The following RBFOX1 variants were observed in gnomAD, a reference collection of about 807,000 sequenced individuals.
RBFOX1 encodes the protein RNA binding fox-1 homolog 1.
A neutral mutation model predicts 57.7 loss-of-function variants in RBFOX1; 8 were observed. The observed-to-expected ratio is 0.14, with a 90% CI of 0.08 to 0.25. The LOEUF is 0.25. Among genes scored for constraint, RBFOX1 ranks in the 10% least tolerant of loss-of-function variants. The pLI is 1.00. For missense variants in RBFOX1, 611 were observed against 548.5 expected (o/e 1.11, Z -1.14); for synonymous variants, 326 against 222.4 (o/e 1.47, Z -4.15).
intron 4 of RBFOX1, among the ~76,000 whole-genome samples, chr16:5,940,520 C>A (rs1272108302): frequency 6.6e-6 from 1 of 152,146 alleles, no homozygotes; most frequent in African/African-American, 2.4e-5. Flanking sequence ...ATATTAAGAT[C>A]CTCACAGGGA....
intron 6 of RBFOX1, among the ~76,000 whole-genome samples, chr16:7,585,689 A>G (rs189606889): frequency 6.6e-6 from 1 of 152,196 alleles, no homozygotes; most frequent in Non-Finnish European, 1.5e-5. Context: ...TCTGTATTCA[A>G]GTGGCATATA....
At chr16:7,289,529 T>G (rs1005090039) in intron 4 of RBFOX1, among the ~76,000 whole-genome samples, 3 of 152,088 alleles carry the variant, frequency 2.0e-5, no homozygotes, top group Admixed American at 1.3e-4. Context: ...ATCATCACCA[T>G]TATCACCATC....
intron 4 of RBFOX1, among the ~76,000 whole-genome samples, chr16:7,385,835 C>T (rs1448443515): frequency 6.6e-6 from 1 of 152,034 alleles, no homozygotes; most frequent in East Asian, 1.9e-4. Context: ...CTCACTGCAA[C>T]CTCCGCCTCC....
intron 2 of RBFOX1, among the ~76,000 whole-genome samples, chr16:6,597,153 AACC>A (rs372901711): frequency 1.3e-5 from 2 of 152,290 alleles, no homozygotes; most frequent in African/African-American, 4.8e-5. Flanking sequence ...TATAAAATGA[AACC>A]TAGCAAATTT....
intron 4 of RBFOX1, among the ~76,000 whole-genome samples, chr16:7,134,263 A>C (rs747641692): frequency 1.3e-5 from 2 of 152,128 alleles, no homozygotes; most frequent in Non-Finnish European, 2.9e-5. Flanking sequence ...ATTTGTTGTG[A>C]GGATGTTCTC....
At chr16:6,955,824 G>A (rs866252754) in intron 3 of RBFOX1, among the ~76,000 whole-genome samples, 1 of 152,030 alleles carries the variant, frequency 6.6e-6, no homozygotes, top group Non-Finnish European at 1.5e-5. Flanking sequence ...TCCTGCCTCA[G>A]CCTCCTGAGT....
At chr16:5,439,180 G>A (rs2068007627) in intron 1 of RBFOX1, among the ~76,000 whole-genome samples, 1 of 152,056 alleles carries the variant, frequency 6.6e-6, no homozygotes, top group Admixed American at 6.6e-5. Flanking sequence ...GTGCAGCTGG[G>A]CCCTGGTGAG....
At chr16:7,317,772 G>T (rs1406209615) in intron 4 of RBFOX1, among the ~76,000 whole-genome samples, 1 of 152,156 alleles carries the variant, frequency 6.6e-6, no homozygotes, top group Admixed American at 6.5e-5. Context: ...CCTCCAACTA[G>T]CTCTATGGGC....
chr16:6,158,793 G>T (rs1179011530), intron 1 of RBFOX1, among the ~76,000 whole-genome samples: 4 of 152,186 alleles, frequency 2.6e-5, no homozygotes, highest in African/African-American at 7.2e-5. Context: ...CTGGGAAACT[G>T]GGGAGAGGGC....
intron 2 of RBFOX1, among the ~76,000 whole-genome samples, chr16:6,406,535 A>G (rs1194771719): frequency 6.6e-6 from 1 of 151,934 alleles, no homozygotes; most frequent in Non-Finnish European, 1.5e-5. Flanking sequence ...TTTGGAGGCT[A>G]GCTTCTTTTC....
chr16:6,976,144 AAAC>A (rs2086791718), intron 3 of RBFOX1, among the ~76,000 whole-genome samples: 1 of 151,946 alleles, frequency 6.6e-6, no homozygotes, highest in South Asian at 2.1e-4. Flanking sequence ...AAAAAGAAAC[AAAC>A]AAAAAAACTA....
chr16:6,876,602 C>T (rs1185737291), intron 3 of RBFOX1, among the ~76,000 whole-genome samples: 1 of 152,002 alleles, frequency 6.6e-6, no homozygotes, highest in East Asian at 1.9e-4. Context: ...TATGATGCAC[C>T]ATACTAGAGT....
At chr16:5,327,145 G>C (rs979820823) in intron 1 of RBFOX1, among the ~76,000 whole-genome samples, 2 of 152,214 alleles carry the variant, frequency 1.3e-5, no homozygotes, top group African/African-American at 4.8e-5. Flanking sequence ...CAGTTTCTGA[G>C]TGATCATTGA....
chr16:6,342,763 A>G (rs571808947), intron 2 of RBFOX1, among the ~76,000 whole-genome samples: 1 of 152,318 alleles, frequency 6.6e-6, no homozygotes, highest in Non-Finnish European at 1.5e-5. Flanking sequence ...ATTTGGAGAT[A>G]GGAACCTTAT....
At chr16:6,416,507 T>C (rs1352626781) in intron 2 of RBFOX1, among the ~76,000 whole-genome samples, 1 of 152,084 alleles carries the variant, frequency 6.6e-6, no homozygotes, top group Non-Finnish European at 1.5e-5. Context: ...TTTTTCTTTT[T>C]TTACTGAAAG....
intron 3 of RBFOX1, among the ~76,000 whole-genome samples, chr16:5,863,623 A>G (rs1263810093): frequency 1.3e-5 from 2 of 152,104 alleles, no homozygotes; most frequent in African/African-American, 4.8e-5. Flanking sequence ...TGACTATGAA[A>G]TCCACTCTGA....
At chr16:5,652,969 A>G (rs1047532855) in intron 3 of RBFOX1, among the ~76,000 whole-genome samples, 3 of 152,178 alleles carry the variant, frequency 2.0e-5, no homozygotes, top group Non-Finnish European at 4.4e-5. Context: ...CACCCTGTGC[A>G]CACTCAACCT....
chr16:6,390,174 A>G (rs1175227403), intron 2 of RBFOX1, among the ~76,000 whole-genome samples: 2 of 152,254 alleles, frequency 1.3e-5, no homozygotes, highest in East Asian at 3.8e-4. Context: ...GTATGCGTGC[A>G]TACATTAGTA....
At chr16:7,058,182 G>C (rs773267590) in intron 4 of RBFOX1, among the ~76,000 whole-genome samples, 3 of 151,962 alleles carry the variant, frequency 2.0e-5, no homozygotes, top group Admixed American at 6.6e-5. Flanking sequence ...GCTTTCAGGC[G>C]AACACTAACT....
Sources: gnomAD v4.1 joint callset for allele counts (sites outside exome capture counted in the v4.1 genomes callset) on GRCh38, gnomAD v4.1.1 for gene constraint, MANE v1.5 for transcripts, NCBI Gene and HGNC (gene_info 2026-07-23, HGNC 2026-07-21) for gene names.